KLHL25: variants seen among roughly 807,000 people sequenced by gnomAD.
KLHL25 encodes kelch-like protein 25.
Under a neutral mutation model 30.0 loss-of-function variants are expected in KLHL25, and 41 were observed. The ratio of observed to expected loss-of-function variants is 1.37; its 90% CI spans 1.07 to 1.78. The LOEUF is 1.78. Among genes scored for constraint, KLHL25 ranks in the 40% most tolerant of loss-of-function variants. The pLI, the probability that KLHL25 is intolerant of heterozygous loss-of-function variation, is 0.00. For missense variants in KLHL25, 971 were observed against 824.5 expected (o/e 1.18, Z -2.18); for synonymous variants, 399 against 355.3 (o/e 1.12, Z -1.38).
At chr15:85,783,952 T>C (rs2089762055) in intron 1 of KLHL25, among the ~76,000 whole-genome samples, 1 of 152,110 alleles carries the variant, frequency 6.6e-6, no homozygotes, top group African/African-American at 2.4e-5. Context: ...ACAATAACTG[T>C]CCTGACCTCG....
rs779512200 is a variant in KLHL25 at position 85,768,942 on chromosome 15, G to A, written c.869C>T (p.Pro290Leu). The A allele has an allele frequency of 6.2e-7, 1 of 1,613,332 alleles. No homozygotes were observed. The highest frequency in any genetic ancestry group is 8.5e-7 in the Non-Finnish European group (1 of 1,180,052). The change falls in exon 2 of 3, where the codon CCA becomes CTA. Residue 290 changes from proline to leucine, a missense_variant. By Grantham distance (98) the Pro-to-Leu change is moderately conservative. Transcript: ENST00000337975. ...DGVVTSPCAR[P>L]RKAGHTLLIL... ...GAGTAGCGTGTGGCCCGCCTTGCGT[G>A]GCCGGGCACAGGGGCTGGTGACCAC... is the stretch of plus-strand genomic sequence containing the variant.
At chr15:85,774,158 G>C (rs1018406170) in intron 1 of KLHL25, among the ~76,000 whole-genome samples, 9 of 152,158 alleles carry the variant, frequency 5.9e-5, no homozygotes, top group Non-Finnish European at 1.2e-4. Context: ...AAGCCTCCCT[G>C]TGCCCATGGC....
At position 85,768,557 on chromosome 15, in the gene KLHL25, G is replaced by A; in HGVS notation, c.1254C>T (p.Asp418=). The change falls in exon 2 of 3, where the codon GAC becomes GAT. Residue 418 remains aspartate, a synonymous_variant. Transcript: ENST00000337975. ...SVSLKQVEKY[D]PGANKWMMVA... ...CCATCATCCACTTGTTGGCCCCAGG[G>A]TCGTATTTCTCCACTTGTTTCAGGG... 6.2e-7 allele frequency: 1 copy of A among 1,613,336 alleles called. No individual in the cohort carries two copies. Among genetic ancestry groups the A allele is most frequent in the Non-Finnish European group, 8.5e-7 (1 of 1,179,604 alleles).
intron 1 of KLHL25, among the ~76,000 whole-genome samples, chr15:85,787,710 G>T (rs1188994237): frequency 6.6e-6 from 1 of 152,084 alleles, no homozygotes. Flanking sequence ...ATATGACGAC[G>T]CTGTGAAAAA....
Position 85,769,745 on chromosome 15 carries a change from G to T in KLHL25, c.66C>A (p.Leu22=). ...AGTCCGGGTGGGAGGCCTTGTGGAAGAGGGTGACGTTCATGGACCCCGTGC... is the reference window on the plus strand; with the variant it reads ...AGTCCGGGTGGGAGGCCTTGTGGAATAGGGTGACGTTCATGGACCCCGTGC... ...RSSTGSMNVT[L]FHKASHPDCV... The change falls in exon 2 of 3, where the codon CTC becomes CTA. Residue 22 remains leucine, a synonymous_variant. Transcript: ENST00000337975. The T allele has an allele frequency of 6.2e-7, 1 of 1,613,698 alleles. No homozygotes were observed. Among genetic ancestry groups the T allele is most frequent in the Non-Finnish European group, 8.5e-7 (1 of 1,180,036 alleles).
At chr15:85,790,450 G>C (rs767701238) in intron 1 of KLHL25, among the ~76,000 whole-genome samples, 6 of 152,200 alleles carry the variant, frequency 3.9e-5, no homozygotes, top group Non-Finnish European at 8.8e-5. Flanking sequence ...TTCCTGACCA[G>C]AAAGGCTAAG....
chr15:85,793,385 G>A (rs1216281350), intron 1 of KLHL25, among the ~76,000 whole-genome samples: 1 of 152,116 alleles, frequency 6.6e-6, no homozygotes, highest in African/African-American at 2.4e-5. Context: ...TGCCAGGCCG[G>A]AAAAAGACTG....
intron 1 of KLHL25, among the ~76,000 whole-genome samples, chr15:85,772,140 C>A (rs919839270): frequency 6.6e-6 from 1 of 152,188 alleles, no homozygotes; most frequent in Non-Finnish European, 1.5e-5. Flanking sequence ...CCCACAGTGT[C>A]AGGACATTTT....
At chr15:85,780,031 CGA>C (rs2089733641) in intron 1 of KLHL25, among the ~76,000 whole-genome samples, 1 of 152,210 alleles carries the variant, frequency 6.6e-6, no homozygotes, top group Admixed American at 6.5e-5. Flanking sequence ...CACCCTGCAA[CGA>C]AGAGGCTTCT....
chr15:85,781,712 A>G (rs548761416), intron 1 of KLHL25, among the ~76,000 whole-genome samples: 4 of 152,034 alleles, frequency 2.6e-5, no homozygotes, highest in Admixed American at 2.6e-4. Flanking sequence ...CTGAACTCCT[A>G]ATCTCCAGTA....
intron 1 of KLHL25, among the ~76,000 whole-genome samples, chr15:85,794,232 G>A (rs761349640): frequency 1.1e-3 from 174 of 152,292 alleles, no homozygotes; most frequent in Non-Finnish European, 2.1e-3. Context: ...CGAAACGAGG[G>A]ACCCTGGCAG....
At chr15:85,774,244 G>A (rs892874004) in intron 1 of KLHL25, among the ~76,000 whole-genome samples, 8 of 152,124 alleles carry the variant, frequency 5.3e-5, no homozygotes, top group Admixed American at 2.0e-4. Context: ...TGACCTAAGC[G>A]TCGTCCTGAG....
At chr15:85,777,383 G>T (rs1199903883) in intron 1 of KLHL25, among the ~76,000 whole-genome samples, 1 of 152,162 alleles carries the variant, frequency 6.6e-6, no homozygotes, top group African/African-American at 2.4e-5. Context: ...CTCTCAAATT[G>T]TGTCTCCTTC....
At chr15:85,785,535 C>T (rs1000960356) in intron 1 of KLHL25, among the ~76,000 whole-genome samples, 1 of 151,478 alleles carries the variant, frequency 6.6e-6, no homozygotes, top group Non-Finnish European at 1.5e-5. Context: ...CAGCCAGGTA[C>T]AATTATCTGA....
At chr15:85,783,593 G>C (rs969812333) in intron 1 of KLHL25, among the ~76,000 whole-genome samples, 3 of 151,922 alleles carry the variant, frequency 2.0e-5, no homozygotes, top group Non-Finnish European at 4.4e-5. Context: ...TCAGGAGGCT[G>C]AGACAGGACT....
intron 1 of KLHL25, among the ~76,000 whole-genome samples, chr15:85,779,045 A>ATTT (rs35309594): frequency 1.4e-5 from 2 of 141,878 alleles, no homozygotes; most frequent in African/African-American, 5.2e-5. Context: ...CTCACCAACA[A>ATTT]TTTTTTTTTT....
intron 1 of KLHL25, among the ~76,000 whole-genome samples, chr15:85,779,353 A>C (rs2089729845): frequency 6.6e-6 from 1 of 152,196 alleles, no homozygotes; most frequent in Non-Finnish European, 1.5e-5. Flanking sequence ...TGCCTGACCA[A>C]AGTGAGCAGG....
intron 1 of KLHL25, among the ~76,000 whole-genome samples, chr15:85,794,245 G>A (rs891781305): frequency 6.6e-6 from 1 of 152,184 alleles, no homozygotes; most frequent in African/African-American, 2.4e-5. Flanking sequence ...CCTGGCAGGC[G>A]GAACGTGAAC....
chr15:85,776,865 C>T (rs1460041345), intron 1 of KLHL25, among the ~76,000 whole-genome samples: 1 of 151,916 alleles, frequency 6.6e-6, no homozygotes, highest in African/African-American at 2.4e-5. Context: ...GCGGAGGTTG[C>T]AGTGAGCCGA....
Sources: gnomAD v4.1 joint callset for allele counts (sites outside exome capture counted in the v4.1 genomes callset) on GRCh38, gnomAD v4.1.1 for gene constraint, MANE v1.5 for transcripts, NCBI Gene and HGNC (gene_info 2026-07-23, HGNC 2026-07-21) for gene names.